NFIA: variants seen among roughly 807,000 people sequenced by gnomAD.
The protein encoded by NFIA is nuclear factor 1 A-type.
NFIA carries 8 observed loss-of-function variants against 62.8 expected under a neutral mutation model. The observed-to-expected ratio is 0.13, with a 90% CI of 0.07 to 0.23. NFIA has a LOEUF of 0.23. Among genes scored for constraint, NFIA ranks in the 10% least tolerant of loss-of-function variants. NFIA has a pLI of 1.00. For missense variants in NFIA, 410 were observed against 642.1 expected (o/e 0.64, Z 3.91); for synonymous variants, 235 against 238.1 (o/e 0.99, Z 0.12).
rs113913435 is a variant in NFIA, at chr1:61,082,672, TTCTCTCTCTCTCTC to T, written c.-108_-95del. 2.1e-6 allele frequency: 3 copies of T among 1,445,748 alleles called. No individual in the cohort carries two copies. In the East Asian group the frequency reaches 8.1e-5, roughly 39 times the overall value. 89.6% of individuals were successfully genotyped at this position (1,445,748 alleles called of 1,614,324 possible). On this transcript the variant is annotated 5_prime_UTR_variant, in exon 1 of 11. Transcript: ENST00000403491. ...AGGCTTGATTTTTTTTTCTCCCCCC[TTCTCTCTCTCTCTC>T]TCTCTCTCTCTTCCTCTCTCCCTCT...
chr1:61,103,999 AT>A (rs1646554487), intron 2 of NFIA, among the ~76,000 whole-genome samples: 1 of 152,186 alleles, frequency 6.6e-6, no homozygotes, highest in African/African-American at 2.4e-5. Flanking sequence ...AGAAAAGATG[AT>A]TTGGTGATGA....
At chr1:61,210,485 C>T (rs1239485016) in intron 2 of NFIA, among the ~76,000 whole-genome samples, 1 of 152,164 alleles carries the variant, frequency 6.6e-6, no homozygotes, top group Non-Finnish European at 1.5e-5. Flanking sequence ...GATGTAAGAT[C>T]CTTAAGCATG....
chr1:61,172,832 T>A (rs2100550650), intron 2 of NFIA, among the ~76,000 whole-genome samples: 1 of 152,366 alleles, frequency 6.6e-6, no homozygotes, highest in South Asian at 2.1e-4. Context: ...TCTTGGTTAT[T>A]TATAACATAA....
rs977594599 is a variant in NFIA at position 61,435,680 on chromosome 1, G to C, written c.1512+9124G>C. ...CACATTTTAATCTCTAGCTGCAAAG[G>C]ATGCTGAGAAAACCAGCAGAAGATT... On this transcript the variant is annotated intron_variant, in intron 10 of 10. Coordinates refer to ENST00000403491, the MANE Select transcript of NFIA (RefSeq NM_001134673.4). 4.6e-5 allele frequency among the ~76,000 whole-genome samples: 7 copies of C among 152,234 alleles called. No individual in the cohort carries two copies. In the South Asian group the frequency reaches 1.0e-3, roughly 23 times the overall value.
chr1:61,295,467 G>C (rs192637833), intron 3 of NFIA, among the ~76,000 whole-genome samples: 1 of 152,304 alleles, frequency 6.6e-6, no homozygotes, highest in East Asian at 1.9e-4. Flanking sequence ...CATGGGTAAA[G>C]TTCGAAGTGG....
intron 7 of NFIA, among the ~76,000 whole-genome samples, chr1:61,397,947 A>G (rs1266788598): frequency 1.3e-5 from 2 of 152,236 alleles, no homozygotes; most frequent in Non-Finnish European, 2.9e-5. Flanking sequence ...AAAGGTGACC[A>G]GATTGCTTTG....
intron 3 of NFIA, among the ~76,000 whole-genome samples, chr1:61,312,597 C>T (rs1660177397): frequency 6.6e-6 from 1 of 152,038 alleles, no homozygotes; most frequent in Non-Finnish European, 1.5e-5. Flanking sequence ...ACTGCAGCCT[C>T]AACTTCCCAG....
At chr1:61,305,005 C>T (rs1001191516) in intron 3 of NFIA, among the ~76,000 whole-genome samples, 11 of 152,256 alleles carry the variant, frequency 7.2e-5, no homozygotes, top group Middle Eastern at 3.4e-3. Flanking sequence ...AAGTAGATTT[C>T]TATTCTCTTT....
intron 10 of NFIA, among the ~76,000 whole-genome samples, chr1:61,444,726 G>A (rs1667731785): frequency 6.6e-6 from 1 of 152,012 alleles, no homozygotes; most frequent in African/African-American, 2.4e-5. Flanking sequence ...AAGATTTTTG[G>A]GATTGCAGAA....
intron 2 of NFIA, among the ~76,000 whole-genome samples, chr1:61,098,928 C>A (rs1436639509): frequency 6.6e-6 from 1 of 151,966 alleles, no homozygotes; most frequent in African/African-American, 2.4e-5. Flanking sequence ...GTCTGTGTAA[C>A]CATATATATA....
intron 2 of NFIA, among the ~76,000 whole-genome samples, chr1:61,128,915 G>GTTTTTTTTTTTTTTTTTTTTTTTTTTTTT (rs10635152): frequency 1.3e-5 from 1 of 74,124 alleles, no homozygotes. Context: ...GCTTACTTAT[G>GTTTTTTTTTTTTTTTTTTTTTTTTTTTTT]TTTTTTTTTT....
chr1:61,133,128 T>C (rs756859865), intron 2 of NFIA: 4 of 152,208 alleles, frequency 2.6e-5, no homozygotes, highest in Non-Finnish European at 5.9e-5. Context: ...CTAAAGACTT[T>C]TATAGGCATT....
At chr1:61,314,945 G>A (rs142973437) in intron 3 of NFIA, among the ~76,000 whole-genome samples, 2,075 of 152,190 alleles carry the variant, frequency 0.014, 25 homozygotes, top group Non-Finnish European at 0.021. Flanking sequence ...TTCACTGTTC[G>A]TATTTGTTTA....
chr1:61,101,319 C>T (rs1024293760), intron 2 of NFIA, among the ~76,000 whole-genome samples: 7 of 150,454 alleles, frequency 4.7e-5, no homozygotes, highest in South Asian at 2.1e-4. Context: ...CGCTTGAACC[C>T]GGGAGGCAAA....
chr1:61,109,238 G>C (rs1249216062), intron 2 of NFIA, among the ~76,000 whole-genome samples: 6 of 151,836 alleles, frequency 4.0e-5, no homozygotes, highest in Non-Finnish European at 8.8e-5. Flanking sequence ...GCAGTCAGGG[G>C]TTTATTATGC....
intron 2 of NFIA, among the ~76,000 whole-genome samples, chr1:61,191,126 T>G (rs1304840188): frequency 6.6e-6 from 1 of 152,108 alleles, no homozygotes; most frequent in East Asian, 1.9e-4. Flanking sequence ...GTTACAATGC[T>G]TAGCTACATT....
intron 3 of NFIA, among the ~76,000 whole-genome samples, chr1:61,295,106 G>T (rs1557688763): frequency 6.6e-6 from 1 of 152,172 alleles, no homozygotes; most frequent in African/African-American, 2.4e-5. Flanking sequence ...CTCCACATCT[G>T]GGTCTTCCGT....
intron 1 of NFIA, among the ~76,000 whole-genome samples, chr1:61,083,166 C>T (rs1285026273): frequency 6.6e-6 from 1 of 152,110 alleles, no homozygotes; most frequent in Non-Finnish European, 1.5e-5. Flanking sequence ...CGTGTTTCGG[C>T]GGGGTTGCAG....
intron 3 of NFIA, among the ~76,000 whole-genome samples, chr1:61,306,356 A>G (rs756196639): frequency 7.9e-6 from 1 of 126,004 alleles, no homozygotes; most frequent in Non-Finnish European, 1.6e-5. Flanking sequence ...TGCTCACGCA[A>G]CCTCCCCCTC....
Sources: allele counts gnomAD v4.1 joint callset (sites outside exome capture counted in the v4.1 genomes callset), GRCh38; gene constraint gnomAD v4.1.1; transcripts MANE v1.5; gene names NCBI Gene and HGNC (gene_info 2026-07-23, HGNC 2026-07-21).